The following SYMPK variants were observed in gnomAD, a reference collection of about 807,000 sequenced individuals.
The protein encoded by SYMPK is symplekin scaffold protein, also known as symplekin.
A neutral mutation model predicts 136.4 loss-of-function variants in SYMPK; 49 were observed. The observed-to-expected ratio is 0.36, with a 90% CI of 0.29 to 0.46. The LOEUF is 0.46. Ranked by LOEUF, SYMPK falls within the 20% of genes least tolerant of loss-of-function variation. SYMPK has a pLI of 1.00. For missense variants in SYMPK, 1,365 were observed against 1,690.0 expected (o/e 0.81, Z 3.37); for synonymous variants, 766 against 713.0 (o/e 1.07, Z -1.19).
intron 10 of SYMPK, among the ~76,000 whole-genome samples, chr19:45,837,372 C>T (rs1177267596): frequency 1.3e-5 from 2 of 152,062 alleles, no homozygotes; most frequent in South Asian, 4.1e-4. Context: ...AATCCCAGCA[C>T]TTTGGGAGGC....
chr19:45,815,548 C>T lies in SYMPK; in HGVS notation c.*12G>A. The T allele has an allele frequency of 6.5e-7, 1 of 1,547,312 alleles. No homozygotes were observed. The highest frequency in any genetic ancestry group is 8.7e-7 in the Non-Finnish European group (1 of 1,149,810). ...GAGTCCCTGTCCCACCCCCTTTCCC[C>T]CTCGAGCCCCGTCAGCTGTTCCCCT... On this transcript the variant is annotated 3_prime_UTR_variant, in exon 27 of 27. Transcript: ENST00000245934.
intron 5 of SYMPK, among the ~76,000 whole-genome samples, chr19:45,850,414 TACAA>T (rs1019819118): frequency 9.2e-5 from 14 of 152,192 alleles, no homozygotes; most frequent in African/African-American, 3.4e-4. Context: ...TACAGTGCCT[TACAA>T]ACAAATATTT....
intron 5 of SYMPK, among the ~76,000 whole-genome samples, chr19:45,849,350 T>C (rs1162045896): frequency 6.6e-6 from 1 of 152,152 alleles, no homozygotes; most frequent in South Asian, 2.1e-4. Context: ...CTAGTTTTGC[T>C]TGCCTCAGTC....
In SYMPK at chr19:45,847,098, T is replaced by C. The variant is rs541116230; in HGVS notation, c.676+654A>G. 6.6e-5 allele frequency among the ~76,000 whole-genome samples: 10 copies of C among 152,094 alleles called. 1 individual carries two copies. The East Asian group carries it at 1.9e-3, about 30-fold the overall frequency. ...CATGAGCCACCACACCTGGCCTATG[T>C]CCTACTTTTATAATTTGCAGTTAAG... On this transcript the variant is annotated intron_variant, in intron 7 of 26. Transcript: ENST00000245934.
chr19:45,833,029 A>AC (rs1971221693), intron 11 of SYMPK, among the ~76,000 whole-genome samples: 1 of 151,196 alleles, frequency 6.6e-6, no homozygotes, highest in African/African-American at 2.4e-5. Context: ...AAAAAAAAAA[A>AC]AAAACCGTGA....
chr19:45,855,899 G>A (rs945753362), intron 1 of SYMPK: 3 of 152,152 alleles, frequency 2.0e-5, no homozygotes, highest in Non-Finnish European at 4.4e-5. Context: ...GGGAGGTGAA[G>A]GCAGAGGCTG....
chr19:45,822,659 T>C lies in SYMPK; in HGVS notation c.2791+97A>G. The C allele has an allele frequency of 5.2e-6, 5 of 957,540 alleles. No homozygotes were observed. The South Asian group carries it at 6.9e-5, about 13-fold the overall frequency. 59.3% of individuals were successfully genotyped at this position (957,540 alleles called of 1,614,324 possible). A position where few individuals can be genotyped will look rare whatever the true frequency, so the allele number is the denominator to read the frequency against. ...AGCTGGTGTCCCAGGGAGCAGGATG[T>C]GCCCTCTCTCCCTGAGGGGGGTGCC... On this transcript the variant is annotated intron_variant, in intron 21 of 26. Coordinates refer to ENST00000245934, the MANE Select transcript of SYMPK (RefSeq NM_004819.3).
At chr19:45,848,526 T>A (rs1327683788) in intron 6 of SYMPK, among the ~76,000 whole-genome samples, 1 of 152,184 alleles carries the variant, frequency 6.6e-6, no homozygotes, top group Non-Finnish European at 1.5e-5. Flanking sequence ...TCAGGGAATG[T>A]CTGTTGAGTG....
intron 21 of SYMPK, 37 bp downstream of exon 21, chr19:45,822,719 G>A (rs1041686946): frequency 5.1e-6 from 8 of 1,582,748 alleles, no homozygotes; most frequent in East Asian, 4.5e-5. Context: ...CCTGGGGTGG[G>A]TGGGCCTCTT....
rs759539770 is a variant in SYMPK, at chr19:45,830,080, C to T, written c.1723G>A (p.Ala575Thr). 16 of 1,558,236 alleles carry T rather than the reference C, an allele frequency of 1.0e-5. No homozygotes were observed. Among genetic ancestry groups the T allele is most frequent in the Non-Finnish European group, 8.7e-7 (1 of 1,149,902 alleles). Reference protein sequence around the residue: ...AVKRILRAEKAVACSGAAQVR... With the variant: ...AVKRILRAEKTVACSGAAQVR... ...TGGGCTGCCCCGCTGCAGGCCACAG[C>T]CTTCTCAGCCCGCAGGATCCGCTTC... Residue 575 changes from alanine (A) to threonine (T), a missense_variant, in exon 13 of 27, where the codon GCT becomes ACT. Ala to Thr is a moderately conservative substitution (Grantham distance 58, BLOSUM62 0). Transcript: ENST00000245934.
chr19:45,834,934 T>C, intron 11 of SYMPK, 144 bp downstream of exon 11: 3 of 699,348 alleles, frequency 4.3e-6, no homozygotes, highest in Non-Finnish European at 6.4e-6. Flanking sequence ...CACTGAGCCA[T>C]CTATCTGTGG....
intron 10 of SYMPK, 82 bp from the exon 11 acceptor site, chr19:45,835,310 A>C (rs1600510346): frequency 7.1e-7 from 1 of 1,411,468 alleles, no homozygotes; most frequent in South Asian, 1.5e-5. Flanking sequence ...AATACTGGGG[A>C]AATGGCAGTG....
intron 22 of SYMPK, chr19:45,819,762 A>T (rs1970846351): frequency 6.6e-6 from 1 of 152,448 alleles, no homozygotes; most frequent in Non-Finnish European, 1.5e-5. Context: ...GAGTGGGTCT[A>T]GTTATAGACA....
intron 13 of SYMPK, 111 bp downstream of exon 13, chr19:45,829,943 G>C (rs1283993487): frequency 8.7e-6 from 11 of 1,259,408 alleles, no homozygotes; most frequent in Admixed American, 2.6e-5. Flanking sequence ...AGCAGAGCTG[G>C]GGTCCGCAGC....
chr19:45,830,143 T>C lies in SYMPK; in HGVS notation c.1660A>G (p.Thr554Ala). Residue 554 changes from threonine (T) to alanine (A), a missense_variant, in exon 13 of 27, where the codon ACC (threonine) becomes GCC (alanine). Physicochemically the swap from Thr to Ala is moderately conservative, Grantham distance 58 (BLOSUM62 0). Coordinates refer to ENST00000245934, the MANE Select transcript of SYMPK (RefSeq NM_004819.3). The part of the protein sequence containing the change: ...FRLSDVLKPL[T>A]DAQVEAMKLG... Reference sequence around the variant, plus strand: ...TTCATGGCTTCCACCTGGGCATCGGTAAGGGGCTTCAGCACGTCGCTGAGA... The same window carrying C: ...TTCATGGCTTCCACCTGGGCATCGGCAAGGGGCTTCAGCACGTCGCTGAGA... 1 of 1,604,848 alleles carries C rather than the reference T, an allele frequency of 6.2e-7. No homozygotes were observed. The highest frequency in any genetic ancestry group is 8.5e-7 in the Non-Finnish European group (1 of 1,175,128).
chr19:45,842,201 G>C, intron 9 of SYMPK, 49 bp downstream of exon 9: 1 of 1,609,604 alleles, frequency 6.2e-7, no homozygotes, highest in Non-Finnish European at 8.5e-7. Flanking sequence ...GGTAAATAAT[G>C]AAACATTTCA....
At chr19:45,828,318 G>A (rs1022342824) in intron 14 of SYMPK, 5 of 221,024 alleles carry the variant, frequency 2.3e-5, no homozygotes, top group Non-Finnish European at 3.7e-5. Context: ...TGAGGGAAGA[G>A]CATTCCAGGT....
chr19:45,853,127 A>G (rs181205122), intron 3 of SYMPK, among the ~76,000 whole-genome samples: 43 of 152,244 alleles, frequency 2.8e-4, no homozygotes, highest in African/African-American at 9.9e-4. Flanking sequence ...ATGACCACCC[A>G]TGGGGGAGGC....
intron 1 of SYMPK, among the ~76,000 whole-genome samples, chr19:45,856,365 A>C (rs1169856024): frequency 6.6e-6 from 1 of 152,124 alleles, no homozygotes; most frequent in Non-Finnish European, 1.5e-5. Context: ...ATCTCAGTAT[A>C]TTATCCTGAA....
Sources: allele counts gnomAD v4.1 joint callset (sites outside exome capture counted in the v4.1 genomes callset), GRCh38; gene constraint gnomAD v4.1.1; transcripts MANE v1.5; gene names NCBI Gene and HGNC (gene_info 2026-07-23, HGNC 2026-07-21).